Variants in SOD2 observed in about 807,000 individuals in gnomAD.
SOD2 encodes the protein superoxide dismutase 2, also known as superoxide dismutase [Mn], mitochondrial.
SOD2 carries 11 observed loss-of-function variants against 27.0 expected under a neutral mutation model. The ratio of observed to expected loss-of-function variants is 0.41; its 90% CI spans 0.26 to 0.67. SOD2 has a LOEUF of 0.67. Among genes scored for constraint, SOD2 ranks in the 30% least tolerant of loss-of-function variants. The pLI, the probability that SOD2 is intolerant of heterozygous loss-of-function variation, is 0.34. For missense variants in SOD2, 250 were observed against 274.5 expected, an observed-to-expected ratio of 0.91 and a Z score of 0.63; for synonymous variants, 105 against 103.0, an observed-to-expected ratio of 1.02 and a Z score of -0.12.
chr6:159,732,669 C>G (rs1187889557), intron 1 of SOD2, among the ~76,000 whole-genome samples: 1 of 151,930 alleles, frequency 6.6e-6, no homozygotes, highest in African/African-American at 2.4e-5. Flanking sequence ...ACTAAAAATA[C>G]AAAAATTAGC....
At chr6:159,694,401 C>T (rs972532739), upstream of SOD2, among the ~76,000 whole-genome samples, 13 of 152,026 alleles carry the variant, frequency 8.6e-5, no homozygotes, top group Non-Finnish European at 1.5e-5. Context: ...TACAGCCCTC[C>T]GAAGGATGAC....
At chr6:159,683,537 C>T (rs1423070696) in intron 4 of SOD2, among the ~76,000 whole-genome samples, 3 of 152,118 alleles carry the variant, frequency 2.0e-5, no homozygotes, top group Non-Finnish European at 2.9e-5. Flanking sequence ...AAAAACAATT[C>T]TTAACCAGTA....
At position 159,675,312 on chromosome 6, in the gene SOD2, A is replaced by G. The variant is rs1779753390; in HGVS notation, c.*7181T>C. On this transcript the variant is annotated 3_prime_UTR_variant, in exon 5 of 5. Transcript: ENST00000538183. ...CAAAACGATCCTAAGCCAAAAGAAC[A>G]AAGCTGGAGGCATCACGCTACCTGA... 1 of 152,178 alleles carries G rather than the reference A, an allele frequency of 6.6e-6. No homozygotes were observed. The highest frequency in any genetic ancestry group is 1.9e-4 in the East Asian group (1 of 5,184). 9.4% of individuals were successfully genotyped at this position (152,178 alleles called of 1,614,324 possible). A position where few individuals can be genotyped will look rare whatever the true frequency, so the allele number is the denominator to read the frequency against.
At chr6:159,701,539 C>A (rs1219968409) in intron 1 of SOD2, among the ~76,000 whole-genome samples, 1 of 149,550 alleles carries the variant, frequency 6.7e-6, no homozygotes, top group African/African-American at 2.5e-5. Context: ...CCACTGCACT[C>A]CAGCCTGGTG....
intron 1 of SOD2, among the ~76,000 whole-genome samples, chr6:159,710,038 G>A (rs550006146): frequency 3.3e-4 from 47 of 142,614 alleles, no homozygotes; most frequent in African/African-American, 1.1e-3. Flanking sequence ...AACACCACAT[G>A]TTCTCACTCA....
exon 1 of SOD2, chr6:159,762,246 C>G (rs1033529772): frequency 2.8e-6 from 4 of 1,406,600 alleles, no homozygotes; most frequent in Middle Eastern, 2.5e-4. Flanking sequence ...TGGAGGAAGC[C>G]GGTCAGGCCA....
intron 1 of SOD2, chr6:159,742,230 C>A: frequency 8.3e-7 from 1 of 1,209,010 alleles, no homozygotes; most frequent in Non-Finnish European, 1.2e-6. Flanking sequence ...TTTATTAAAG[C>A]AAATGTAATT....
At chr6:159,713,947 C>T (rs190328119) in intron 1 of SOD2, 4 of 850,156 alleles carry the variant, frequency 4.7e-6, no homozygotes, top group Non-Finnish European at 7.5e-6. Context: ...GGCCCTGGAC[C>T]TTCACCACGA....
At chr6:159,707,580 C>A (rs1777651681) in intron 1 of SOD2, among the ~76,000 whole-genome samples, 1 of 152,170 alleles carries the variant, frequency 6.6e-6, no homozygotes, top group Admixed American at 6.5e-5. Context: ...GAAGTTGAAT[C>A]TCTGAATAGA....
At chr6:159,755,954 G>T in intron 1 of SOD2, 1 of 211,362 alleles carries the variant, frequency 4.7e-6, no homozygotes, top group Non-Finnish European at 9.3e-6. Flanking sequence ...GTATAAATCT[G>T]TCTGTTTAGA....
chr6:159,755,332 T>G, intron 1 of SOD2: 2 of 1,614,222 alleles, frequency 1.2e-6, no homozygotes. Flanking sequence ...ATGACTTTCC[T>G]TCTTCTCCAG....
rs1355251652 is a variant in SOD2, at chr6:159,675,267, C to A, written c.*7226G>T. On this transcript the variant is annotated 3_prime_UTR_variant, in exon 5 of 5. Coordinates refer to ENST00000538183, the MANE Select transcript of SOD2 (RefSeq NM_000636.4). Reference sequence around the variant, plus strand: ...AACTACTTTAAAGTTCATGTGGAACCAAAAAAGAGCCTGCACTGCCAAAAC... The same window carrying A: ...AACTACTTTAAAGTTCATGTGGAACAAAAAAAGAGCCTGCACTGCCAAAAC... 6.6e-6 allele frequency: 1 copy of A among 152,104 alleles called. No individual in the cohort carries two copies. The highest frequency in any genetic ancestry group is 1.5e-5 in the Non-Finnish European group (1 of 68,032). 9.4% of individuals were successfully genotyped at this position (152,104 alleles called of 1,614,324 possible).
exon 1 of SOD2, chr6:159,761,978 CGAGGG>C: frequency 8.0e-7 from 1 of 1,254,636 alleles, no homozygotes; most frequent in Non-Finnish European, 1.1e-6. Context: ...AGGTGGAGGG[CGAGGG>C]GCGGGGCTAC....
At chr6:159,755,201 G>C in intron 1 of SOD2, 1 of 1,614,182 alleles carries the variant, frequency 6.2e-7, no homozygotes, top group Non-Finnish European at 8.5e-7. Context: ...TGAACCTGTA[G>C]AACAGTCAGA....
rs1435314032 is a variant in SOD2 at position 159,759,393 on chromosome 6, C to T, written c.-336+1644G>A. 1.8e-4 allele frequency among the ~76,000 whole-genome samples: 25 copies of T among 141,572 alleles called. No individual in the cohort carries two copies. In the South Asian group the frequency reaches 3.4e-3, roughly 19 times the overall value. The allele number at this position is 141,572 out of a possible 152,430, so 92.9% of individuals were successfully genotyped here. On this transcript the variant is annotated intron_variant, in intron 1 of 7. Coordinates refer to the SOD2 transcript ENST00000546087. ...TTTTAAAAATTATCTTCCAGCTGGC[C>T]GGGCGCGGTGGCTCACGCCTGTAAT... is the stretch of plus-strand genomic sequence containing the variant.
chr6:159,751,938 A>G (rs984469124), intron 1 of SOD2, among the ~76,000 whole-genome samples: 3 of 151,916 alleles, frequency 2.0e-5, no homozygotes, highest in Non-Finnish European at 2.9e-5. Context: ...GTGCACACCT[A>G]TAGTCCCCAG....
upstream of SOD2, among the ~76,000 whole-genome samples, chr6:159,698,065 G>A (rs1310118502): frequency 6.6e-6 from 1 of 152,242 alleles, no homozygotes; most frequent in Admixed American, 6.5e-5. Context: ...ATGAGGTCAG[G>A]AATTGGAGAC....
chr6:159,704,418 C>G (rs1777583004), intron 1 of SOD2, among the ~76,000 whole-genome samples: 1 of 152,220 alleles, frequency 6.6e-6, no homozygotes, highest in Non-Finnish European at 1.5e-5. Context: ...AATCGGTTCA[C>G]TCCCACCCTA....
chr6:159,762,241 G>T (rs1168904607), exon 1 of SOD2: 2 of 1,427,292 alleles, frequency 1.4e-6, no homozygotes, highest in Non-Finnish European at 1.9e-6. Flanking sequence ...GTATGTGGAG[G>T]AAGCCGGTCA....
Sources: allele counts gnomAD v4.1 joint callset (sites outside exome capture counted in the v4.1 genomes callset), GRCh38; gene constraint gnomAD v4.1.1; transcripts MANE v1.5; gene names NCBI Gene and HGNC (gene_info 2026-07-23, HGNC 2026-07-21).